The following PCOLCE2 variants were observed in gnomAD, a reference collection of about 807,000 sequenced individuals.
PCOLCE2 encodes procollagen C-endopeptidase enhancer 2, also known as procollagen C-proteinase enhancer 2.
A neutral mutation model predicts 47.0 loss-of-function variants in PCOLCE2; 42 were observed. The observed-to-expected ratio is 0.89, with a 90% CI of 0.70 to 1.16. PCOLCE2 has a LOEUF of 1.16. PCOLCE2 is among the 50% of genes most tolerant of loss of function. The pLI, the probability that PCOLCE2 is intolerant of heterozygous loss-of-function variation, is 0.00. For missense variants in PCOLCE2, 500 were observed against 526.1 expected (o/e 0.95, Z 0.49); for synonymous variants, 169 against 191.7 (o/e 0.88, Z 0.98).
intron 2 of PCOLCE2, among the ~76,000 whole-genome samples, chr3:142,886,897 C>T (rs1033459178): frequency 1.3e-5 from 2 of 152,190 alleles, no homozygotes; most frequent in Non-Finnish European, 2.9e-5. Context: ...CTAAGTCCTC[C>T]AGTGGCACAA....
chr3:142,878,372 T>C (rs1006225137), intron 2 of PCOLCE2, among the ~76,000 whole-genome samples: 1 of 152,152 alleles, frequency 6.6e-6, no homozygotes, highest in East Asian at 1.9e-4. Context: ...AAACACTTAT[T>C]TTCTCCAAAG....
intron 4 of PCOLCE2, among the ~76,000 whole-genome samples, chr3:142,840,871 C>T (rs1036345838): frequency 5.9e-5 from 9 of 151,978 alleles, no homozygotes; most frequent in Non-Finnish European, 1.3e-4. Context: ...GTCAGGAGAT[C>T]GAGACCATTC....
chr3:142,838,980 T>TC, intron 4 of PCOLCE2, 74 bp from the exon 5 acceptor site: 1 of 1,211,510 alleles, frequency 8.3e-7, no homozygotes, highest in Non-Finnish European at 1.2e-6. Context: ...ATTCTTCCTC[T>TC]CCCCAGATTT....
intron 2 of PCOLCE2, among the ~76,000 whole-genome samples, chr3:142,867,046 T>C (rs1933298624): frequency 6.6e-6 from 1 of 152,064 alleles, no homozygotes; most frequent in South Asian, 2.1e-4. Context: ...AAGGTTAGGG[T>C]GGGAGGGCCA....
intron 2 of PCOLCE2, among the ~76,000 whole-genome samples, chr3:142,875,665 T>C (rs374776404): frequency 6.6e-6 from 1 of 152,054 alleles, no homozygotes; most frequent in South Asian, 2.1e-4. Flanking sequence ...TTCTTAAGAT[T>C]CCCCACAACA....
At chr3:142,844,547 T>G (rs1937303066) in intron 3 of PCOLCE2, among the ~76,000 whole-genome samples, 1 of 152,230 alleles carries the variant, frequency 6.6e-6, no homozygotes, top group South Asian at 2.1e-4. Flanking sequence ...GCTTTACATC[T>G]TTGCTACCAC....
At chr3:142,886,472 T>C (rs1293519947) in intron 2 of PCOLCE2, among the ~76,000 whole-genome samples, 2 of 152,240 alleles carry the variant, frequency 1.3e-5, no homozygotes, top group African/African-American at 4.8e-5. Flanking sequence ...TTATTTTCTA[T>C]GACTTCTTTC....
At chr3:142,873,963 T>G (rs1180813560) in intron 2 of PCOLCE2, among the ~76,000 whole-genome samples, 4 of 152,236 alleles carry the variant, frequency 2.6e-5, no homozygotes, top group Non-Finnish European at 5.9e-5. Flanking sequence ...TCTCAAATTG[T>G]AATCCTTACA....
chr3:142,868,931 T>C (rs1436060693), intron 2 of PCOLCE2, among the ~76,000 whole-genome samples: 1 of 151,918 alleles, frequency 6.6e-6, no homozygotes, highest in Admixed American at 6.6e-5. Flanking sequence ...ATAATGGGGG[T>C]CAGACATGCC....
At chr3:142,820,204 G>T (rs1226811025) in intron 8 of PCOLCE2, among the ~76,000 whole-genome samples, 5 of 151,884 alleles carry the variant, frequency 3.3e-5, no homozygotes, top group Non-Finnish European at 7.4e-5. Context: ...GCCTCCCAAA[G>T]TGCTGGGATT....
At chr3:142,821,086 C>A (rs1485574569) in intron 7 of PCOLCE2, 41 bp from the exon 8 acceptor site, 4 of 1,450,422 alleles carry the variant, frequency 2.8e-6, no homozygotes, top group East Asian at 2.3e-5. Context: ...ACAGTGAAGG[C>A]AAATGCAAGC....
chr3:142,848,463 C>T lies in PCOLCE2; in HGVS notation c.202G>A (p.Gly68Arg). The change falls in exon 3 of 9, where the codon GGA (glycine) becomes AGA (arginine). Residue 68 changes from glycine to arginine, a missense_variant. Gly to Arg is a moderately radical substitution (Grantham distance 125). Transcript: ENST00000295992. ...KCTWKITVPE[G>R]KVVVLNFRFI... is the part of the protein sequence containing the mutation. ...CGGAAATTGAGAACGACTACTTTTC[C>T]TTCGGGAACCTGCCAAGAAAAGCGC... 1.3e-6 allele frequency: 2 copies of T among 1,594,790 alleles called. No homozygotes were observed. Among genetic ancestry groups the T allele is most frequent in the East Asian group, 4.5e-5 (2 of 44,378 alleles).
chr3:142,869,724 T>C (rs371985100), intron 2 of PCOLCE2, among the ~76,000 whole-genome samples: 5 of 152,282 alleles, frequency 3.3e-5, no homozygotes, highest in African/African-American at 1.2e-4. Context: ...AACAGAAAAA[T>C]CTTTGAATCC....
chr3:142,857,252 T>C (rs1319154506), intron 2 of PCOLCE2, among the ~76,000 whole-genome samples: 1 of 152,164 alleles, frequency 6.6e-6, no homozygotes, highest in African/African-American at 2.4e-5. Context: ...AAGGAGTAAA[T>C]AGCACCTAGT....
chr3:142,882,635 G>A (rs976314786), intron 2 of PCOLCE2, among the ~76,000 whole-genome samples: 2 of 151,832 alleles, frequency 1.3e-5, no homozygotes, highest in African/African-American at 2.4e-5. Context: ...GGAGTGCAAC[G>A]GTGTAATCAC....
At chr3:142,827,717 T>C (rs1362644717) in intron 6 of PCOLCE2, 1 of 892,634 alleles carries the variant, frequency 1.1e-6, no homozygotes, top group Non-Finnish European at 1.8e-6. Flanking sequence ...GTGACCCGAG[T>C]TGTGGATGAT....
intron 6 of PCOLCE2, among the ~76,000 whole-genome samples, chr3:142,826,787 T>C (rs1183427692): frequency 3.3e-5 from 5 of 152,148 alleles, no homozygotes; most frequent in Non-Finnish European, 5.9e-5. Context: ...CCTCCCTTAT[T>C]GGAAGTCTCA....
At chr3:142,871,451 T>C (rs1933384635) in intron 2 of PCOLCE2, among the ~76,000 whole-genome samples, 1 of 152,238 alleles carries the variant, frequency 6.6e-6, no homozygotes, top group Non-Finnish European at 1.5e-5. Context: ...TTTCATTTTA[T>C]GGGTCAACTT....
chr3:142,873,434 A>G (rs1241883703), intron 2 of PCOLCE2, among the ~76,000 whole-genome samples: 2 of 151,758 alleles, frequency 1.3e-5, no homozygotes, highest in Non-Finnish European at 2.9e-5. Flanking sequence ...AAAGTTAACT[A>G]CCTATATAAT....
Sources: gnomAD v4.1 joint callset for allele counts (sites outside exome capture counted in the v4.1 genomes callset) on GRCh38, gnomAD v4.1.1 for gene constraint, MANE v1.5 for transcripts, NCBI Gene and HGNC (gene_info 2026-07-23, HGNC 2026-07-21) for gene names.